Variants in GRM8 observed in about 807,000 individuals in gnomAD.
GRM8 encodes the protein metabotropic glutamate receptor 8.
A neutral mutation model predicts 87.2 loss-of-function variants in GRM8; 47 were observed. The ratio of observed to expected loss-of-function variants is 0.54; its 90% CI spans 0.43 to 0.69. The LOEUF (loss-of-function observed/expected upper bound fraction) is 0.69. Among genes scored for constraint, GRM8 ranks in the 30% least tolerant of loss-of-function variants. GRM8 has a pLI of 0.00. For missense variants in GRM8, 1,019 were observed against 1,139.2 expected (o/e 0.89, Z 1.52); for synonymous variants, 396 against 404.5 (o/e 0.98, Z 0.25).
At chr7:126,924,617 TCCTTCCTTCTTTCCTC>T (rs945096002) in intron 3 of GRM8, among the ~76,000 whole-genome samples, 3 of 152,142 alleles carry the variant, frequency 2.0e-5, no homozygotes, top group Non-Finnish European at 2.9e-5. Flanking sequence ...CCTTTTTCCC[TCCTTCCTTCTTTCCTC>T]CCTTCCTTCT....
intron 7 of GRM8, among the ~76,000 whole-genome samples, chr7:126,640,458 A>G (rs956378692): frequency 5.3e-5 from 8 of 152,252 alleles, no homozygotes; most frequent in African/African-American, 1.9e-4. Flanking sequence ...AGATGAAATC[A>G]ACTACTTTAA....
At chr7:127,039,228 G>A (rs927630039) in intron 3 of GRM8, among the ~76,000 whole-genome samples, 5 of 152,138 alleles carry the variant, frequency 3.3e-5, no homozygotes, top group African/African-American at 1.2e-4. Context: ...TCTTTAGAAA[G>A]GTTAAAGGAC....
At chr7:126,546,695 A>C (rs1167029608) in intron 8 of GRM8, among the ~76,000 whole-genome samples, 1 of 152,188 alleles carries the variant, frequency 6.6e-6, no homozygotes, top group Non-Finnish European at 1.5e-5. Context: ...GAATAAGGTA[A>C]ATGTTTGTTT....
intron 2 of GRM8, among the ~76,000 whole-genome samples, chr7:127,213,612 T>C (rs1796350479): frequency 6.6e-6 from 1 of 152,204 alleles, no homozygotes; most frequent in Non-Finnish European, 1.5e-5. Flanking sequence ...ATCCTTTATC[T>C]CTTAATCTCC....
intron 9 of GRM8, among the ~76,000 whole-genome samples, chr7:126,470,055 G>A (rs1804978228): frequency 6.6e-6 from 1 of 152,124 alleles, no homozygotes; most frequent in African/African-American, 2.4e-5. Flanking sequence ...AACTTATTAT[G>A]AACTGGAGCA....
chr7:126,891,435 G>C (rs1800994954), intron 6 of GRM8, among the ~76,000 whole-genome samples: 1 of 151,516 alleles, frequency 6.6e-6, no homozygotes, highest in Non-Finnish European at 1.5e-5. Context: ...AAAACCTTCT[G>C]GTGCCCATTC....
chr7:126,726,031 A>C (rs1419063429), intron 7 of GRM8, among the ~76,000 whole-genome samples: 1 of 152,236 alleles, frequency 6.6e-6, no homozygotes, highest in Non-Finnish European at 1.5e-5. Flanking sequence ...GGGTAGGGAC[A>C]AATATCCAAG....
At chr7:126,861,978 G>A (rs1798176277) in intron 6 of GRM8, among the ~76,000 whole-genome samples, 1 of 151,506 alleles carries the variant, frequency 6.6e-6, no homozygotes, top group South Asian at 2.1e-4. Context: ...GTTTTGTTTT[G>A]TTTGGGTTTT....
intron 3 of GRM8, among the ~76,000 whole-genome samples, chr7:127,072,514 T>G (rs2132690188): frequency 6.6e-6 from 1 of 152,338 alleles, no homozygotes; most frequent in Admixed American, 6.5e-5. Flanking sequence ...TGAAACTTTT[T>G]AGCATTTATA....
chr7:126,522,340 T>C (rs2150797621), intron 9 of GRM8, among the ~76,000 whole-genome samples: 1 of 152,284 alleles, frequency 6.6e-6, no homozygotes, highest in Admixed American at 6.5e-5. Flanking sequence ...CCTGCAACTC[T>C]TCAGACTCTC....
chr7:127,198,736 T>C (rs1795426854), intron 2 of GRM8, among the ~76,000 whole-genome samples: 1 of 151,904 alleles, frequency 6.6e-6, no homozygotes, highest in South Asian at 2.1e-4. Flanking sequence ...AGTGCAGTGA[T>C]ATGATCATAG....
rs117614398 is a variant in GRM8, at chr7:126,530,401, G to A, written c.2430+2551C>T. ...ATCTGACCCCTCACCATCTTCCCCC[G>A]CCCTTGAGCCTGATCCTTTTCTGAC... is the stretch of plus-strand genomic sequence containing the variant. On this transcript the variant is annotated intron_variant, in intron 9 of 10. Transcript: ENST00000339582. Among the ~76,000 whole-genome samples the A allele has an allele frequency of 3.0e-3, 459 of 152,226 alleles. 7 individuals carry two copies. Among genetic ancestry groups the A allele is most frequent in the Middle Eastern group, 0.01 (3 of 294 alleles).
chr7:126,802,333 T>C (rs143034149), intron 6 of GRM8, among the ~76,000 whole-genome samples: 78 of 152,286 alleles, frequency 5.1e-4, no homozygotes, highest in African/African-American at 1.9e-3. Context: ...ATGTTCCCAA[T>C]CTCCCTTCTC....
intron 7 of GRM8, among the ~76,000 whole-genome samples, chr7:126,759,070 G>C (rs1301950688): frequency 6.6e-6 from 1 of 151,840 alleles, no homozygotes; most frequent in Non-Finnish European, 1.5e-5. Flanking sequence ...GCTAATTTTT[G>C]TATTTTTAGT....
intron 9 of GRM8, among the ~76,000 whole-genome samples, chr7:126,479,731 G>A (rs1346014432): frequency 7.4e-6 from 1 of 134,678 alleles, no homozygotes; most frequent in African/African-American, 2.9e-5. Flanking sequence ...TCGTGGAGAT[G>A]ACAGAGAGAT....
Position 126,438,910 on chromosome 7 carries a change from A to C in GRM8, c.*209T>G. 4.2e-6 allele frequency: 2 copies of C among 472,074 alleles called. No individual in the cohort carries two copies. The highest frequency in any genetic ancestry group is 3.2e-5 in the East Asian group (1 of 31,188). The allele number at this position is 472,074 out of a possible 1,614,324, so 29.2% of individuals were successfully genotyped here. A position where few individuals can be genotyped will look rare whatever the true frequency, so the allele number is the denominator to read the frequency against. Reference sequence around the variant, plus strand: ...TGAATAAGCAATACTTTAGCTTGACACTCATTGGTTTTATTGTATAAAACG... The same window carrying C: ...TGAATAAGCAATACTTTAGCTTGACCCTCATTGGTTTTATTGTATAAAACG... On this transcript the variant is annotated 3_prime_UTR_variant, in exon 11 of 11. Transcript: ENST00000339582.
At chr7:126,900,799 C>T (rs959532399) in intron 6 of GRM8, among the ~76,000 whole-genome samples, 3 of 152,114 alleles carry the variant, frequency 2.0e-5, no homozygotes, top group African/African-American at 4.8e-5. Context: ...TTTGCACCAC[C>T]GTGCCCGGCC....
chr7:127,150,386 G>T (rs1187664418), intron 2 of GRM8, among the ~76,000 whole-genome samples: 1 of 152,076 alleles, frequency 6.6e-6, no homozygotes, highest in African/African-American at 2.4e-5. Flanking sequence ...TGGACATGCA[G>T]GAGGGCTCTG....
chr7:126,706,690 G>C (rs1309815201), intron 7 of GRM8, among the ~76,000 whole-genome samples: 1 of 152,098 alleles, frequency 6.6e-6, no homozygotes, highest in East Asian at 1.9e-4. Flanking sequence ...CACCACATTA[G>C]GTCAACTCTC....
Sources: allele counts gnomAD v4.1 joint callset (sites outside exome capture counted in the v4.1 genomes callset), GRCh38; gene constraint gnomAD v4.1.1; transcripts MANE v1.5; gene names NCBI Gene and HGNC (gene_info 2026-07-23, HGNC 2026-07-21).